HEATR1: variants seen among roughly 807,000 people sequenced by gnomAD.
The protein encoded by HEATR1 is HEAT repeat containing 1.
Under a neutral mutation model 248.2 loss-of-function variants are expected in HEATR1, and 77 were observed. The ratio of observed to expected loss-of-function variants is 0.31; its 90% confidence interval spans 0.26 to 0.37. The LOEUF (loss-of-function observed/expected upper bound fraction) is 0.37, where lower values mean the gene tolerates loss of function less well. HEATR1 is among the 10% of genes least tolerant of loss of function. The probability of loss-of-function intolerance (pLI) is 1.00; values close to 1 mark genes in which losing one functional copy is unlikely to be tolerated. For synonymous variants in HEATR1, 897 were observed against 923.1 expected (o/e 0.97, Z 0.51); for missense variants, 2,420 against 2,504.9 (o/e 0.97, Z 0.72).
At chr1:236,563,826 A>G (rs1212996756) in intron 32 of HEATR1, among the ~76,000 whole-genome samples, 4 of 151,940 alleles carry the variant, frequency 2.6e-5, no homozygotes, top group Admixed American at 2.0e-4. Context: ...ATATCCAGGT[A>G]AAGAAAGGCT....
chr1:236,551,723 T>C (rs867476038), intron 44 of HEATR1: 1 of 337,470 alleles, frequency 3.0e-6, no homozygotes, highest in East Asian at 6.0e-5. Context: ...GCTTGTATGA[T>C]CACAAACCAC....
chr1:236,591,238 C>T (rs1261822501), intron 11 of HEATR1, among the ~76,000 whole-genome samples: 5 of 152,060 alleles, frequency 3.3e-5, no homozygotes, highest in South Asian at 2.1e-4. Context: ...ATTTTGTATG[C>T]GTATCTGATA....
At chr1:236,599,131 G>A (rs1664251059) in intron 4 of HEATR1, among the ~76,000 whole-genome samples, 1 of 151,946 alleles carries the variant, frequency 6.6e-6, no homozygotes, top group South Asian at 2.1e-4. Context: ...AATGCCAAAC[G>A]GCATGGTACG....
chr1:236,574,929 A>C, intron 22 of HEATR1, 26 bp from the exon 23 acceptor site: 2 of 1,605,126 alleles, frequency 1.2e-6, no homozygotes, highest in Non-Finnish European at 1.7e-6. Context: ...CTTAGTAGTA[A>C]ATAGTTATGT....
chr1:236,584,784 A>T (rs1225065908), intron 17 of HEATR1, among the ~76,000 whole-genome samples: 3 of 152,224 alleles, frequency 2.0e-5, no homozygotes, highest in Non-Finnish European at 4.4e-5. Flanking sequence ...AAGAGAGGAG[A>T]GTCAGGCATC....
At chr1:236,571,544 C>A (rs200488253) in intron 27 of HEATR1, 24 bp downstream of exon 27, 21 of 1,612,928 alleles carry the variant, frequency 1.3e-5, no homozygotes, top group Non-Finnish European at 1.4e-5. Flanking sequence ...ATTTTTCTAA[C>A]CTTTCCTTCC....
At chr1:236,556,451 T>A (rs944946754) in intron 37 of HEATR1, among the ~76,000 whole-genome samples, 193 bp from the exon 38 acceptor site, 1 of 152,198 alleles carries the variant, frequency 6.6e-6, no homozygotes, top group Non-Finnish European at 1.5e-5. Context: ...CTTGCCCAAC[T>A]TGCGATCAGG....
In HEATR1 at chr1:236,564,500, T is replaced by C; in HGVS notation, c.4597A>G (p.Lys1533Glu). The change falls in exon 32 of 45, where the codon AAG becomes GAG. Residue 1533 changes from lysine (K) to glutamate (E), a missense_variant and splice_region_variant. Coordinates refer to ENST00000366582, the MANE Select transcript of HEATR1 (RefSeq NM_018072.6). ...AACACATTTAAAGAACACATTACCT[T>C]TTTCAGAAAATTATTGGAAGACAGG... ...QLLSSNNFLK[K>E]VVESGGPEIL... 8.1e-6 allele frequency: 13 copies of C among 1,612,904 alleles called. No individual in the cohort carries two copies. The highest frequency in any genetic ancestry group is 1.1e-5 in the Non-Finnish European group (13 of 1,179,820).
At chr1:236,584,430 A>G (rs545029783) in intron 17 of HEATR1, among the ~76,000 whole-genome samples, 25 of 152,324 alleles carry the variant, frequency 1.6e-4, no homozygotes, top group African/African-American at 5.8e-4. Context: ...AAAAGATATA[A>G]TTCATTTAGT....
In HEATR1 at chr1:236,553,569, G is replaced by A. The variant is rs769707755; in HGVS notation, c.6237+12C>T. The A allele has an allele frequency of 1.4e-5, 23 of 1,610,176 alleles. No individual in the cohort carries two copies. The highest frequency in any genetic ancestry group is 1.8e-5 in the Non-Finnish European group (21 of 1,178,022). ...AAGATGCAGTTTCAGTACTTGTCAC[G>A]CAGTTCCTAACCTTAGGCGAGGAGT... On this transcript the variant is annotated intron_variant, in intron 43 of 44. Transcript: ENST00000366582.
chr1:236,550,141 T>A lies in HEATR1; in HGVS notation c.*761A>T, dbSNP rs1662658415. The A allele has an allele frequency of 6.6e-6, 1 of 152,224 alleles. No homozygotes were observed. Among genetic ancestry groups the A allele is most frequent in the South Asian group, 2.1e-4 (1 of 4,830 alleles). 9.4% of individuals were successfully genotyped at this position (152,224 alleles called of 1,614,324 possible). On this transcript the variant is annotated 3_prime_UTR_variant, in exon 45 of 45. Transcript: ENST00000366582. ...TGAAAAAAATCTACTGATACTTACT[T>A]TCTTAGACAAGTAGTTCTTAGTTAA...
rs761362908 is a variant in HEATR1, at chr1:236,566,782, G to A, written c.4172C>T (p.Pro1391Leu). 6.2e-6 allele frequency: 10 copies of A among 1,613,954 alleles called. No individual in the cohort carries two copies. The highest frequency in any genetic ancestry group is 1.3e-5 in the African/African-American group (1 of 74,904). Residue 1391 changes from proline (P) to leucine (L), a missense_variant, in exon 30 of 45, where the codon CCG (proline) becomes CTG (leucine). Pro to Leu is a moderately conservative substitution (Grantham distance 98). Transcript: ENST00000366582. ...SVFVDALPHVPEHRRLPILVQ... is the reference protein window; with the variant it reads ...SVFVDALPHVLEHRRLPILVQ... Reference sequence around the variant, plus strand: ...AAGGATGGGCAGGCGCCTGTGCTCCGGGACGTGTGGCAGCGCATCCACAAA... The same window carrying A: ...AAGGATGGGCAGGCGCCTGTGCTCCAGGACGTGTGGCAGCGCATCCACAAA...
intron 3 of HEATR1, among the ~76,000 whole-genome samples, chr1:236,601,030 A>C (rs1664308970): frequency 6.6e-6 from 1 of 152,228 alleles, no homozygotes; most frequent in Admixed American, 6.5e-5. Context: ...CTGAAGACAT[A>C]AAATGAAAAA....
intron 41 of HEATR1, 137 bp from the exon 42 acceptor site, chr1:236,554,889 G>C: frequency 1.3e-6 from 1 of 748,502 alleles, no homozygotes. Flanking sequence ...TCAGGACGAA[G>C]GCAGAACACA....
intron 17 of HEATR1, among the ~76,000 whole-genome samples, chr1:236,584,414 A>G (rs1209912731): frequency 6.6e-6 from 1 of 152,216 alleles, no homozygotes; most frequent in Non-Finnish European, 1.5e-5. Context: ...GTATACGTAA[A>G]TGTGAAAAAG....
rs1464866866 is a variant in HEATR1, at chr1:236,587,490, T to C, written c.1627A>G (p.Ile543Val). Residue 543 changes from isoleucine to valine, a missense_variant and splice_region_variant, in exon 14 of 45, where the codon ATT becomes GTT. By Grantham distance (29) the Ile-to-Val change is conservative. Transcript: ENST00000366582. ...VVLSAISAFE[I>V]FKEHFSSEVT... ...TCTGAACTGAAGTGTTCTTTGAAAA[T>C]CTAAAGGGAAAAAAATATCCAGAGT... 1.4e-6 allele frequency: 2 copies of C among 1,470,618 alleles called. No individual in the cohort carries two copies. Among genetic ancestry groups the C allele is most frequent in the African/African-American group, 2.8e-5 (2 of 70,402 alleles). 91.1% of individuals were successfully genotyped at this position (1,470,618 alleles called of 1,614,324 possible).
chr1:236,554,500 A>G, intron 42 of HEATR1, 98 bp downstream of exon 42: 1 of 1,126,964 alleles, frequency 8.9e-7, no homozygotes, highest in Non-Finnish European at 1.3e-6. Flanking sequence ...CCTTACAAAG[A>G]AAAATCCTAG....
chr1:236,555,481 G>A lies in HEATR1; in HGVS notation c.5755-17C>T, dbSNP rs1407870392. On this transcript the variant is annotated splice_polypyrimidine_tract_variant and intron_variant, in intron 40 of 44. Coordinates refer to ENST00000366582, the MANE Select transcript of HEATR1 (RefSeq NM_018072.6). The stretch of plus-strand genomic sequence containing the variant: ...ATCAAACAGCTGAAAGGATAAGACA[G>A]TATTAGTTTCTTCGACATCTTGTCA... The A allele has an allele frequency of 1.9e-6, 3 of 1,614,024 alleles. No homozygotes were observed. The highest frequency in any genetic ancestry group is 1.7e-6 in the Non-Finnish European group (2 of 1,180,014).
chr1:236,603,478 C>A (rs951624433), intron 2 of HEATR1, 102 bp from the exon 3 acceptor site: 22 of 832,686 alleles, frequency 2.6e-5, no homozygotes, highest in Non-Finnish European at 4.2e-5. Context: ...TTTCTGAATT[C>A]TTTAAGTACA....
Sources: gnomAD v4.1 joint callset for allele counts (sites outside exome capture counted in the v4.1 genomes callset) on GRCh38, gnomAD v4.1.1 for gene constraint, MANE v1.5 for transcripts, NCBI Gene and HGNC (gene_info 2026-07-23, HGNC 2026-07-21) for gene names.